The following SMAP2 variants were observed in gnomAD, a reference collection of about 807,000 sequenced individuals.
The protein encoded by SMAP2 is stromal membrane-associated protein 2.
In SMAP2, 25 loss-of-function variants were observed where a neutral mutation model predicts 56.4. The ratio of observed to expected loss-of-function variants is 0.44; its 90% CI spans 0.32 to 0.62. SMAP2 has a LOEUF of 0.62. Among genes scored for constraint, SMAP2 ranks in the 20% least tolerant of loss-of-function variants. The probability of loss-of-function intolerance (pLI) is 0.04; values close to 1 mark genes in which losing one functional copy is unlikely to be tolerated. For synonymous variants in SMAP2, 157 were observed against 181.7 expected (o/e 0.86, Z 1.09); for missense variants, 388 against 545.6 (o/e 0.71, Z 2.88).
At chr1:40,417,220 T>TA (rs1644997841) in intron 9 of SMAP2, 124 bp downstream of exon 9, 13 of 693,170 alleles carry the variant, frequency 1.9e-5, no homozygotes, top group South Asian at 9.3e-5. Context: ...GAGACATTGT[T>TA]AGGTTTGCTT....
chr1:40,422,316 C>A lies in SMAP2; in HGVS notation c.*215C>A. 1.8e-6 allele frequency: 1 copy of A among 556,260 alleles called. No homozygotes were observed. The highest frequency in any genetic ancestry group is 3.2e-5 in the Admixed American group (1 of 31,490). 34.5% of individuals were successfully genotyped at this position (556,260 alleles called of 1,614,324 possible). On this transcript the variant is annotated 3_prime_UTR_variant, in exon 10 of 10. Coordinates refer to ENST00000372718, the MANE Select transcript of SMAP2 (RefSeq NM_022733.3). The stretch of plus-strand genomic sequence containing the variant: ...TGTACATGCCCCATAGCCATCCCAA[C>A]GTCCTCCCCAGTCCTCTCCTGGCAC...
At chr1:40,355,266 C>T (rs1207710470) in intron 1 of SMAP2, among the ~76,000 whole-genome samples, 1 of 152,146 alleles carries the variant, frequency 6.6e-6, no homozygotes, top group African/African-American at 2.4e-5. Context: ...GGTGCTTTTG[C>T]CTCTGACTAG....
At chr1:40,398,806 C>T (rs1644799209) in intron 1 of SMAP2, among the ~76,000 whole-genome samples, 1 of 152,046 alleles carries the variant, frequency 6.6e-6, no homozygotes, top group East Asian at 1.9e-4. Flanking sequence ...ACCTAGAATA[C>T]TTAGTTTTAA....
chr1:40,392,175 G>C (rs1056679427), intron 1 of SMAP2, among the ~76,000 whole-genome samples: 1 of 152,148 alleles, frequency 6.6e-6, no homozygotes, highest in South Asian at 2.1e-4. Context: ...ATCAGTTTAG[G>C]TTTAATAACT....
At chr1:40,403,608 G>A (rs1222823004) in intron 1 of SMAP2, 1 of 980,146 alleles carries the variant, frequency 1.0e-6, no homozygotes. Context: ...AGATGGATGG[G>A]AAGTGGGTTC....
Position 40,423,014 on chromosome 1 carries a change from GC to G in SMAP2, c.*915del, listed in dbSNP as rs1229833006. The G allele has an allele frequency of 1.3e-5, 2 of 152,550 alleles. No homozygotes were observed. Among genetic ancestry groups the G allele is most frequent in the African/African-American group, 4.8e-5 (2 of 41,402 alleles). The allele number at this position is 152,550 out of a possible 1,614,324, so 9.4% of individuals were successfully genotyped here. A position where few individuals can be genotyped will look rare whatever the true frequency, so the allele number is the denominator to read the frequency against. On this transcript the variant is annotated 3_prime_UTR_variant, in exon 10 of 10. Coordinates refer to ENST00000372718, the MANE Select transcript of SMAP2 (RefSeq NM_022733.3). Reference sequence around the variant, plus strand: ...ACAGAGAGGAATTAATTTATCAGCAGCCTAAAACTGTTGTGTTTTTCTTATG... The same window carrying G: ...ACAGAGAGGAATTAATTTATCAGCAGCTAAAACTGTTGTGTTTTTCTTATG...
chr1:40,394,928 T>C (rs1418854430), intron 1 of SMAP2, among the ~76,000 whole-genome samples: 1 of 152,120 alleles, frequency 6.6e-6, no homozygotes, highest in Non-Finnish European at 1.5e-5. Flanking sequence ...TGCGTCTCTG[T>C]GGGTAGTATT....
chr1:40,386,755 A>G lies in SMAP2; in HGVS notation c.103+12532A>G, dbSNP rs1426856265. Among the ~76,000 whole-genome samples the G allele has an allele frequency of 6.6e-6, 1 of 152,042 alleles. No individual in the cohort carries two copies. Among genetic ancestry groups the G allele is most frequent in the Non-Finnish European group, 1.5e-5 (1 of 68,012 alleles). On this transcript the variant is annotated intron_variant, in intron 1 of 9. Coordinates refer to ENST00000372718, the MANE Select transcript of SMAP2 (RefSeq NM_022733.3). The surrounding 1 kb of genome is among the most constrained non-coding windows in gnomAD (Gnocchi z 4.1). ...GTAAATGCTGGTTTTTTTTAAAACA[A>G]CAACAACTTTATCTTTTATGATTCT...
In SMAP2 at chr1:40,386,785, C is replaced by G. The variant is rs573212623; in HGVS notation, c.103+12562C>G. On this transcript the variant is annotated intron_variant, in intron 1 of 9. Coordinates refer to ENST00000372718, the MANE Select transcript of SMAP2 (RefSeq NM_022733.3). This position sits in a 1 kb window ranked among gnomAD's most constrained non-coding sequence, Gnocchi z 4.1. ...AACTTTATCTTTTATGATTCTGAAA[C>G]CTATCCACGATAAAAATCATTGGAA... Among the ~76,000 whole-genome samples, 1 of 151,646 alleles carries G rather than the reference C, an allele frequency of 6.6e-6. No individual in the cohort carries two copies. Among genetic ancestry groups the G allele is most frequent in the African/African-American group, 2.4e-5 (1 of 41,304 alleles).
intron 1 of SMAP2, among the ~76,000 whole-genome samples, chr1:40,382,396 C>T (rs1031990003): frequency 3.9e-5 from 6 of 152,182 alleles, no homozygotes; most frequent in African/African-American, 1.4e-4. Context: ...AGACTCAGTT[C>T]CTCCAAATGG....
intron 2 of SMAP2, among the ~76,000 whole-genome samples, chr1:40,366,460 G>A (rs1448400003): frequency 9.0e-6 from 1 of 111,342 alleles, no homozygotes; most frequent in African/African-American, 3.8e-5. Context: ...GAGAAAGGTC[G>A]GGTTACCCTC....
intron 9 of SMAP2, 129 bp downstream of exon 9, chr1:40,417,225 T>A (rs1644997871): frequency 1.5e-6 from 1 of 667,328 alleles, no homozygotes; most frequent in East Asian, 2.9e-5. Context: ...ATTGTTAGGT[T>A]TGCTTTTTTT....
intron 9 of SMAP2, among the ~76,000 whole-genome samples, chr1:40,417,908 C>T (rs1645005345): frequency 6.6e-6 from 1 of 152,162 alleles, no homozygotes; most frequent in African/African-American, 2.4e-5. Flanking sequence ...CAAACCTTCA[C>T]ACCTATTATT....
intron 1 of SMAP2, chr1:40,396,822 C>G: frequency 2.0e-6 from 2 of 985,004 alleles, no homozygotes; most frequent in Non-Finnish European, 2.4e-6. Flanking sequence ...CAAGATCCCA[C>G]TGGTGTTTCT....
rs1361377235 is a variant in SMAP2, at chr1:40,385,578, G to A, written c.103+11355G>A. Among the ~76,000 whole-genome samples the A allele has an allele frequency of 6.6e-6, 1 of 152,232 alleles. No homozygotes were observed. The highest frequency in any genetic ancestry group is 2.4e-5 in the African/African-American group (1 of 41,458). On this transcript the variant is annotated intron_variant, in intron 1 of 9. Coordinates refer to ENST00000372718, the MANE Select transcript of SMAP2 (RefSeq NM_022733.3). The surrounding 1 kb of genome is among the most constrained non-coding windows in gnomAD (Gnocchi z 4.5). ...TGTATTGAAACAGTGAAGCAAATGC[G>A]AGAGGGAGAGAGACCTACTCTCAGC...
rs1008104943 is a variant in SMAP2 at position 40,351,791 on chromosome 1, C to T, written c.-83+6881C>T. Among the ~76,000 whole-genome samples, 23 of 152,086 alleles carry T rather than the reference C, an allele frequency of 1.5e-4. 1 individual carries two copies. The highest frequency in any genetic ancestry group is 8.3e-4 in the South Asian group (4 of 4,824). ...TGCTGGGAGTACAGGGGTGAGCCAC[C>T]GCGCTCAGCCTATTTTAATTTTTTT... On this transcript the variant is annotated intron_variant, in intron 1 of 6. Coordinates refer to the SMAP2 transcript ENST00000435168.
intron 1 of SMAP2, among the ~76,000 whole-genome samples, chr1:40,404,840 T>C (rs1185758193): frequency 1.3e-5 from 2 of 152,244 alleles, no homozygotes; most frequent in Non-Finnish European, 2.9e-5. Context: ...ATTTTGTGTT[T>C]GACGTGACAC....
rs190974069 is a variant in SMAP2 at position 40,420,985 on chromosome 1, C to T, written c.1165-991C>T. On this transcript the variant is annotated intron_variant, in intron 9 of 9. Transcript: ENST00000372718. ...TGTTTTGTGGTTCTGTTAAAGTGTT[C>T]ATTCTTATGAGGTGCCTCCTGACTT... 4.6e-3 allele frequency among the ~76,000 whole-genome samples: 685 copies of T among 149,776 alleles called. 4 individuals carry two copies. Among genetic ancestry groups the T allele is most frequent in the African/African-American group, 0.016 (655 of 40,870 alleles).
intron 1 of SMAP2, among the ~76,000 whole-genome samples, chr1:40,359,057 A>G (rs1342179744): frequency 1.3e-5 from 2 of 152,100 alleles, no homozygotes; most frequent in Admixed American, 6.6e-5. Context: ...TTTCATTGAC[A>G]TGGAATATCT....
Sources: allele counts gnomAD v4.1 joint callset (sites outside exome capture counted in the v4.1 genomes callset), GRCh38; gene constraint gnomAD v4.1.1; non-coding constraint Gnocchi (gnomAD v3.1); transcripts MANE v1.5; gene names NCBI Gene and HGNC (gene_info 2026-07-23, HGNC 2026-07-21).